Variants in RNF19A observed in about 807,000 individuals in gnomAD.
The protein encoded by RNF19A is ring finger protein 19A, RBR E3 ubiquitin protein ligase.
A neutral mutation model predicts 75.7 loss-of-function variants in RNF19A; 32 were observed. The observed-to-expected ratio is 0.42, with a 90% CI of 0.32 to 0.57. RNF19A has a LOEUF of 0.57. Among genes scored for constraint, RNF19A ranks in the 20% least tolerant of loss-of-function variants. The pLI, the probability that RNF19A is intolerant of heterozygous loss-of-function variation, is 0.10. For synonymous variants in RNF19A, 335 were observed against 345.2 expected (o/e 0.97, Z 0.33); for missense variants, 782 against 1,036.3 (o/e 0.75, Z 3.37).
intron 1 of RNF19A, among the ~76,000 whole-genome samples, chr8:100,292,658 G>C (rs1821364529): frequency 6.6e-6 from 1 of 151,998 alleles, no homozygotes; most frequent in African/African-American, 2.4e-5. Context: ...GATAGTTTAT[G>C]AATAAGTAGA....
Position 100,260,115 on chromosome 8 carries a change from A to G in RNF19A, c.1683-118T>C, listed in dbSNP as rs1819644699. 9 of 859,702 alleles carry G rather than the reference A, an allele frequency of 1.0e-5. No individual in the cohort carries two copies. The South Asian group carries it at 1.3e-4, about 13-fold the overall frequency. The allele number at this position is 859,702 out of a possible 1,614,324, so 53.3% of individuals were successfully genotyped here. ...ACCAGAAGCTATTTTAGGAACCATT[A>G]TTTTTTATTTCCTTTTATTTAATTT... On this transcript the variant is annotated intron_variant, in intron 8 of 9. Transcript: ENST00000341084. The surrounding 1 kb of genome is among the most constrained non-coding windows in gnomAD (Gnocchi z 4.1).
At chr8:100,308,331 G>GT (rs1016960935) in intron 1 of RNF19A, among the ~76,000 whole-genome samples, 37 of 152,192 alleles carry the variant, frequency 2.4e-4, no homozygotes, top group South Asian at 4.1e-4. Flanking sequence ...TTTTAAAAGT[G>GT]TTTTTTTAGC....
chr8:100,331,449 A>G lies in RNF19A; in HGVS notation c.-243+4659T>C, dbSNP rs1822609031. 6.6e-6 allele frequency among the ~76,000 whole-genome samples: 1 copy of G among 152,052 alleles called. No homozygotes were observed. The highest frequency in any genetic ancestry group is 6.5e-5 in the Admixed American group (1 of 15,270). Reference sequence around the variant, plus strand: ...CCAGGAGTTTGGGACCAGCCTGGACAACATGGTGAAACTCCATCTCTACAA... The same window carrying G: ...CCAGGAGTTTGGGACCAGCCTGGACGACATGGTGAAACTCCATCTCTACAA... On this transcript the variant is annotated intron_variant, in intron 1 of 3. Coordinates refer to the RNF19A transcript ENST00000519527. The surrounding 1 kb of genome is among the most constrained non-coding windows in gnomAD (Gnocchi z 5.2).
rs911368412 is a variant in RNF19A at position 100,331,308 on chromosome 8, G to A, written c.-243+4800C>T. The stretch of plus-strand genomic sequence containing the variant: ...ATCGTCCTCTTGAGATATTCCCATT[G>A]CAACTCCTTTCAAGACATCTTATTT... On this transcript the variant is annotated intron_variant, in intron 1 of 3. Transcript: ENST00000519527. This position sits in a 1 kb window ranked among gnomAD's most constrained non-coding sequence, Gnocchi z 5.2. Among the ~76,000 whole-genome samples the A allele has an allele frequency of 2.6e-5, 4 of 152,120 alleles. No individual in the cohort carries two copies. The highest frequency in any genetic ancestry group is 9.7e-5 in the African/African-American group (4 of 41,420).
chr8:100,329,173 A>G lies in RNF19A; in HGVS notation c.-243+6935T>C, dbSNP rs528081435. On this transcript the variant is annotated intron_variant, in intron 1 of 3. Transcript: ENST00000519527. This position sits in a 1 kb window ranked among gnomAD's most constrained non-coding sequence, Gnocchi z 4.3. Reference sequence around the variant, plus strand: ...CATCCAGAACTGCTGGCACAAAGCAAAAGTGGGTGCAAAGGTTGGCAGTGG... The same window carrying G: ...CATCCAGAACTGCTGGCACAAAGCAGAAGTGGGTGCAAAGGTTGGCAGTGG... Among the ~76,000 whole-genome samples the G allele has an allele frequency of 4.6e-5, 7 of 152,316 alleles. No individual in the cohort carries two copies. The East Asian group carries it at 1.2e-3, about 25-fold the overall frequency.
In RNF19A at chr8:100,261,661, G is replaced by A. The variant is rs1819721913; in HGVS notation, c.1563C>T (p.His521=). The stretch of plus-strand genomic sequence containing the variant: ...CTCGGATGGCTCCTATTCGATCCAT[G>A]TGGCTTCCACTTGCACTCAAACTGC... The part of the protein sequence containing the change: ...LTGSLSASGS[H]MDRIGAIRDN... Residue 521 remains histidine (H), a synonymous_variant, in exon 8 of 10, where the codon CAC becomes CAT. Coordinates refer to ENST00000341084, the MANE Select transcript of RNF19A (RefSeq NM_183419.4). This position sits in a 1 kb window ranked among gnomAD's most constrained non-coding sequence, Gnocchi z 4.4. The A allele has an allele frequency of 1.2e-6, 2 of 1,614,034 alleles. No individual in the cohort carries two copies. The highest frequency in any genetic ancestry group is 3.3e-5 in the Admixed American group (2 of 60,004).
intron 1 of RNF19A, among the ~76,000 whole-genome samples, chr8:100,328,369 T>TAG (rs1250709813): frequency 6.6e-6 from 1 of 152,202 alleles, no homozygotes; most frequent in Non-Finnish European, 1.5e-5. Flanking sequence ...AAGTGAACTT[T>TAG]AGTTCATTAT....
chr8:100,283,733 A>C (rs1415041183), intron 2 of RNF19A, among the ~76,000 whole-genome samples: 2 of 152,234 alleles, frequency 1.3e-5, no homozygotes, highest in East Asian at 3.8e-4. Flanking sequence ...TCATACCTAT[A>C]AATAACAAAT....
In RNF19A at chr8:100,329,780, A is replaced by G. The variant is rs1822586483; in HGVS notation, c.-243+6328T>C. On this transcript the variant is annotated intron_variant, in intron 1 of 3. Coordinates refer to the RNF19A transcript ENST00000519527. The surrounding 1 kb of genome is among the most constrained non-coding windows in gnomAD (Gnocchi z 4.3). ...GTCTGATGAAAGAAGAAGTAGCTTC[A>G]TGGTTTGTTAATCCAGAGGGCAAAC... Among the ~76,000 whole-genome samples the G allele has an allele frequency of 6.6e-6, 1 of 152,244 alleles. No homozygotes were observed.
At chr8:100,315,034 G>C (rs1822352194) in intron 1 of RNF19A, among the ~76,000 whole-genome samples, 1 of 152,200 alleles carries the variant, frequency 6.6e-6, no homozygotes, top group Non-Finnish European at 1.5e-5. Flanking sequence ...CTCTAGGCCA[G>C]TGTGCTGGCA....
chr8:100,326,550 A>G (rs904835324), intron 1 of RNF19A, among the ~76,000 whole-genome samples: 1 of 151,982 alleles, frequency 6.6e-6, no homozygotes, highest in Non-Finnish European at 1.5e-5. Context: ...AACTGAGGTA[A>G]CCCCTCCCCC....
chr8:100,302,637 A>G (rs183756787), intron 1 of RNF19A, among the ~76,000 whole-genome samples: 54 of 152,356 alleles, frequency 3.5e-4, no homozygotes, highest in Admixed American at 3.1e-3. Context: ...AAATCACCAA[A>G]AAGTAAATAT....
At chr8:100,326,534 G>A (rs1822535617) in intron 1 of RNF19A, among the ~76,000 whole-genome samples, 1 of 152,134 alleles carries the variant, frequency 6.6e-6, no homozygotes, top group Admixed American at 6.5e-5. Flanking sequence ...GCAGTCTAGT[G>A]AGGGAAACTG....
At position 100,264,071 on chromosome 8, in the gene RNF19A, T is replaced by A; in HGVS notation, c.1431A>T (p.Glu477Asp). The A allele has an allele frequency of 6.2e-7, 1 of 1,613,674 alleles. No homozygotes were observed. Reference protein sequence around the residue: ...GKGVRIEFDDENDINVGGTNT... With the variant: ...GKGVRIEFDDDNDINVGGTNT... ...TAGTTCCACCAACATTTATATCATT[T>A]TCATCATCAAATTCAATCCTAACTC... Residue 477 changes from glutamate (E) to aspartate (D), a missense_variant, in exon 7 of 10, where the codon GAA becomes GAT. Physicochemically the swap from Glu to Asp is conservative, Grantham distance 45. Around this residue, in one of 7 missense-constraint regions of RNF19A, gnomAD observed 442 missense variants for 541.6 expected, o/e 0.82. Coordinates refer to ENST00000341084, the MANE Select transcript of RNF19A (RefSeq NM_183419.4). The surrounding 1 kb of genome is among the most constrained non-coding windows in gnomAD (Gnocchi z 4.7).
At chr8:100,283,911 T>G (rs900682501) in intron 2 of RNF19A, among the ~76,000 whole-genome samples, 1 of 152,214 alleles carries the variant, frequency 6.6e-6, no homozygotes, top group African/African-American at 2.4e-5. Flanking sequence ...ATATTTCTTA[T>G]GCCAGATTTA....
chr8:100,259,276 T>A lies in RNF19A; in HGVS notation c.1827-30A>T. Reference sequence around the variant, plus strand: ...AATATAAGAGTAACAAATACAAACATAATTGCTGACTTCTTTTTGTTCAGA... The same window carrying A: ...AATATAAGAGTAACAAATACAAACAAAATTGCTGACTTCTTTTTGTTCAGA... On this transcript the variant is annotated intron_variant, in intron 9 of 9. Coordinates refer to ENST00000341084, the MANE Select transcript of RNF19A (RefSeq NM_183419.4). This position sits in a 1 kb window ranked among gnomAD's most constrained non-coding sequence, Gnocchi z 4.5. 1 of 1,547,754 alleles carries A rather than the reference T, an allele frequency of 6.5e-7. No individual in the cohort carries two copies. The highest frequency in any genetic ancestry group is 1.8e-5 in the Admixed American group (1 of 55,890).
intron 1 of RNF19A, among the ~76,000 whole-genome samples, chr8:100,298,212 A>G (rs961779754): frequency 6.6e-6 from 1 of 151,454 alleles, no homozygotes; most frequent in South Asian, 2.1e-4. Flanking sequence ...AAAAAAAAAA[A>G]CACTTATTAC....
At position 100,258,385 on chromosome 8, in the gene RNF19A, TA is replaced by T. The variant is rs1819547995; in HGVS notation, c.*170del. ...TTAAAGCCTTCACTTCATAGTTTGG[TA>T]ACTAAGATCCACATGACACACAATG... On this transcript the variant is annotated 3_prime_UTR_variant, in exon 10 of 10. Coordinates refer to ENST00000341084, the MANE Select transcript of RNF19A (RefSeq NM_183419.4). The surrounding 1 kb of genome is among the most constrained non-coding windows in gnomAD (Gnocchi z 4.3). 3 of 555,768 alleles carry T rather than the reference TA, an allele frequency of 5.4e-6. No homozygotes were observed. The highest frequency in any genetic ancestry group is 9.4e-6 in the Non-Finnish European group (3 of 318,720). 34.4% of individuals were successfully genotyped at this position (555,768 alleles called of 1,614,324 possible). A position where few individuals can be genotyped will look rare whatever the true frequency, so the allele number is the denominator to read the frequency against.
At chr8:100,320,365 G>T (rs1377618957) in intron 1 of RNF19A, among the ~76,000 whole-genome samples, 1 of 152,052 alleles carries the variant, frequency 6.6e-6, no homozygotes, top group Non-Finnish European at 1.5e-5. Context: ...TATTCATTTT[G>T]ACTGCAATGT....
Sources: allele counts gnomAD v4.1 joint callset (sites outside exome capture counted in the v4.1 genomes callset), GRCh38; gene constraint gnomAD v4.1.1; regional missense constraint gnomAD v4.1.1; non-coding constraint Gnocchi (gnomAD v3.1); transcripts MANE v1.5; gene names NCBI Gene and HGNC (gene_info 2026-07-23, HGNC 2026-07-21).